The following ESRRG variants were observed in gnomAD, a reference collection of about 807,000 sequenced individuals.
The protein encoded by ESRRG is estrogen related receptor gamma.
In ESRRG, 13 loss-of-function variants were observed where a neutral mutation model predicts 44.0. The ratio of observed to expected loss-of-function variants is 0.30; its 90% CI spans 0.19 to 0.47. ESRRG has a LOEUF of 0.47. ESRRG is among the 20% of genes least tolerant of loss of function. The pLI is 1.00. For synonymous variants in ESRRG, 215 were observed against 214.6 expected, an observed-to-expected ratio of 1.00 and a Z score of -0.02; for missense variants, 395 against 580.6, an observed-to-expected ratio of 0.68 and a Z score of 3.29.
chr1:216,741,531 A>G (rs2090737409), intron 2 of ESRRG, among the ~76,000 whole-genome samples: 1 of 150,690 alleles, frequency 6.6e-6, no homozygotes, highest in African/African-American at 2.4e-5. Context: ...CTCGGGAGGC[A>G]TCTCTTATCC....
chr1:217,043,759 T>C (rs1400506812), intron 1 of ESRRG, among the ~76,000 whole-genome samples: 1 of 152,098 alleles, frequency 6.6e-6, no homozygotes, highest in Admixed American at 6.5e-5. Context: ...ATTGTGCCCA[T>C]ACAGGAACAA....
chr1:217,094,730 T>C (rs1344655006), intron 1 of ESRRG, among the ~76,000 whole-genome samples: 1 of 152,216 alleles, frequency 6.6e-6, no homozygotes, highest in Admixed American at 6.5e-5. Context: ...AGTTATAGGA[T>C]TTCACAAGGT....
chr1:216,785,109 CA>C (rs547578657), intron 2 of ESRRG, among the ~76,000 whole-genome samples: 3 of 149,586 alleles, frequency 2.0e-5, no homozygotes, highest in Non-Finnish European at 3.0e-5. Context: ...AGACTTTTTT[CA>C]AAAAAAAATC....
In ESRRG at chr1:216,919,813, G is replaced by A. The variant is rs550298983; in HGVS notation, c.-14+19769C>T. Reference sequence around the variant, plus strand: ...CGTCCCACCTGTCAGTGTATGGTAGGAGAACAAGATAATTACTTCCTCTTA... The same window carrying A: ...CGTCCCACCTGTCAGTGTATGGTAGAAGAACAAGATAATTACTTCCTCTTA... On this transcript the variant is annotated intron_variant, in intron 2 of 7. Transcript: ENST00000359162. Among the ~76,000 whole-genome samples the A allele has an allele frequency of 2.6e-5, 4 of 152,274 alleles. 1 individual carries two copies. In the East Asian group the frequency reaches 7.7e-4, roughly 29 times the overall value.
intron 5 of ESRRG, among the ~76,000 whole-genome samples, chr1:216,555,271 T>A (rs1266882949): frequency 6.6e-6 from 1 of 152,228 alleles, no homozygotes; most frequent in Non-Finnish European, 1.5e-5. Flanking sequence ...TTTCAAATTC[T>A]CCTTCTAGTG....
intron 2 of ESRRG, among the ~76,000 whole-genome samples, chr1:216,751,088 C>T (rs995296953): frequency 1.3e-5 from 2 of 152,066 alleles, no homozygotes; most frequent in South Asian, 4.1e-4. Flanking sequence ...TATTTCTCAC[C>T]CTGGAGTTGG....
chr1:216,671,651 G>C (rs1414617431), intron 2 of ESRRG, among the ~76,000 whole-genome samples: 3 of 152,172 alleles, frequency 2.0e-5, no homozygotes, highest in Non-Finnish European at 2.9e-5. Flanking sequence ...AAGTGGCTGA[G>C]ACTTGGGCCT....
At chr1:216,583,623 A>G (rs1290833968) in intron 3 of ESRRG, among the ~76,000 whole-genome samples, 3 of 152,234 alleles carry the variant, frequency 2.0e-5, no homozygotes, top group Admixed American at 2.0e-4. Flanking sequence ...ATTGAACTCA[A>G]GTTACCATAC....
Position 216,790,082 on chromosome 1 carries a change from A to G in ESRRG, c.-13-112591T>C, listed in dbSNP as rs578202355. On this transcript the variant is annotated intron_variant, in intron 2 of 7. Transcript: ENST00000359162. The stretch of plus-strand genomic sequence containing the variant: ...GGTTAGAATGACCAAGACCAATGAG[A>G]CCTTCAAAGTCATGGGTTGAAGATG... Among the ~76,000 whole-genome samples the G allele has an allele frequency of 2.6e-5, 4 of 152,270 alleles. No individual in the cohort carries two copies. The East Asian group carries it at 7.7e-4, about 29-fold the overall frequency.
chr1:216,964,124 G>A (rs762127470), intron 1 of ESRRG, among the ~76,000 whole-genome samples: 16 of 152,156 alleles, frequency 1.1e-4, no homozygotes, highest in Non-Finnish European at 2.2e-4. Context: ...AGAGGATATG[G>A]AGTGAGATGA....
intron 2 of ESRRG, among the ~76,000 whole-genome samples, chr1:216,825,965 G>C (rs541886055): frequency 6.6e-6 from 1 of 152,068 alleles, no homozygotes; most frequent in African/African-American, 2.4e-5. Context: ...CTGAGTTGAC[G>C]GGTCAATCAA....
chr1:217,010,765 A>G (rs1488665344), intron 1 of ESRRG, among the ~76,000 whole-genome samples: 1 of 152,226 alleles, frequency 6.6e-6, no homozygotes, highest in Non-Finnish European at 1.5e-5. Context: ...TAAAACAGGC[A>G]AAGACCAGGA....
At chr1:216,591,805 C>T (rs2057711616) in intron 3 of ESRRG, among the ~76,000 whole-genome samples, 1 of 152,098 alleles carries the variant, frequency 6.6e-6, no homozygotes, top group Non-Finnish European at 1.5e-5. Flanking sequence ...TGGATTATAA[C>T]TCATTGAATA....
chr1:216,832,365 G>A (rs998156565), intron 2 of ESRRG, among the ~76,000 whole-genome samples: 3 of 152,136 alleles, frequency 2.0e-5, no homozygotes, highest in Non-Finnish European at 2.9e-5. Context: ...TTGACTGTTA[G>A]TCTTGGCCAG....
At chr1:216,686,439 CAAAAAAAAAAAA>C (rs58718125) in intron 1 of ESRRG, among the ~76,000 whole-genome samples, 1 of 107,178 alleles carries the variant, frequency 9.3e-6, no homozygotes, top group Non-Finnish European at 1.8e-5. Context: ...TATTGTTAAC[CAAAAAAAAAAAA>C]AAAAAAAAAA....
intron 1 of ESRRG, among the ~76,000 whole-genome samples, chr1:216,696,338 G>A (rs1249588497): frequency 6.6e-6 from 1 of 152,068 alleles, no homozygotes; most frequent in Non-Finnish European, 1.5e-5. Flanking sequence ...AACTTAATAT[G>A]TCAACTGTAG....
intron 2 of ESRRG, chr1:216,855,122 C>T (rs1396471014): frequency 6.6e-6 from 1 of 152,178 alleles, no homozygotes; most frequent in Non-Finnish European, 1.5e-5. Flanking sequence ...TATATATTTT[C>T]ACCCTGAAGA....
At chr1:216,945,417 T>C (rs557922915) in intron 1 of ESRRG, among the ~76,000 whole-genome samples, 2 of 152,144 alleles carry the variant, frequency 1.3e-5, no homozygotes, top group Admixed American at 6.5e-5. Context: ...AAAAAATGAA[T>C]TAGGCAGAAT....
intron 1 of ESRRG, among the ~76,000 whole-genome samples, chr1:217,136,722 G>C (rs1009629994): frequency 6.6e-6 from 1 of 152,122 alleles, no homozygotes; most frequent in Non-Finnish European, 1.5e-5. Context: ...GTGGTGATTG[G>C]CTCAGTAGGA....
Sources: gnomAD v4.1 joint callset for allele counts (sites outside exome capture counted in the v4.1 genomes callset) on GRCh38, gnomAD v4.1.1 for gene constraint, MANE v1.5 for transcripts, NCBI Gene and HGNC (gene_info 2026-07-23, HGNC 2026-07-21) for gene names.